The following CABLES1 variants were observed in gnomAD, a reference collection of about 807,000 sequenced individuals.
The protein encoded by CABLES1 is Cdk5 and Abl enzyme substrate 1.
In CABLES1, 36 loss-of-function variants were observed where a neutral mutation model predicts 57.8. The ratio of observed to expected loss-of-function variants is 0.62; its 90% confidence interval spans 0.48 to 0.82. The LOEUF is 0.82. Among genes scored for constraint, CABLES1 ranks in the 40% least tolerant of loss-of-function variants. The pLI, the probability that CABLES1 is intolerant of heterozygous loss-of-function variation, is 0.00. For missense variants in CABLES1, 767 were observed against 836.6 expected (o/e 0.92, Z 1.03); for synonymous variants, 374 against 363.0 (o/e 1.03, Z -0.35).
intron 1 of CABLES1, among the ~76,000 whole-genome samples, chr18:23,148,426 A>C (rs2046907229): frequency 1.3e-5 from 2 of 152,298 alleles, no homozygotes; most frequent in South Asian, 4.1e-4. Flanking sequence ...TCCCCTCTGC[A>C]CATGGCTTCT....
intron 3 of CABLES1, among the ~76,000 whole-genome samples, chr18:23,210,842 C>T (rs1357479590): frequency 6.6e-6 from 1 of 152,038 alleles, no homozygotes; most frequent in South Asian, 2.1e-4. Context: ...CTGGCCCCTG[C>T]AGAAACTGAG....
intron 7 of CABLES1, among the ~76,000 whole-genome samples, chr18:23,248,512 C>CTTTTT (rs59555750): frequency 0.013 from 1,208 of 90,686 alleles, 28 homozygotes; most frequent in African/African-American, 0.035. Flanking sequence ...GACCCTATGT[C>CTTTTT]TTTTTTTTTT....
intron 4 of CABLES1, among the ~76,000 whole-genome samples, chr18:23,221,530 C>T (rs2047487233): frequency 6.6e-6 from 1 of 152,116 alleles, no homozygotes; most frequent in Non-Finnish European, 1.5e-5. Context: ...CCAGGACAGA[C>T]AGAAACCAGC....
intron 1 of CABLES1, among the ~76,000 whole-genome samples, chr18:23,141,049 A>C (rs1264924535): frequency 6.6e-6 from 1 of 152,224 alleles, no homozygotes; most frequent in African/African-American, 2.4e-5. Context: ...AGAGTCACTT[A>C]ATCTCTTAAA....
intron 4 of CABLES1, among the ~76,000 whole-genome samples, chr18:23,224,599 C>T (rs1425275560): frequency 4.1e-4 from 49 of 120,550 alleles, no homozygotes; most frequent in Admixed American, 4.5e-4. Context: ...GACAGAGTCT[C>T]TCTCAGTTGC....
chr18:23,136,447 A>T lies in CABLES1; in HGVS notation c.685A>T (p.Thr229Ser), dbSNP rs781779292. 2 of 1,602,802 alleles carry T rather than the reference A, an allele frequency of 1.2e-6. No homozygotes were observed. Among genetic ancestry groups the T allele is most frequent in the South Asian group, 2.2e-5 (2 of 90,020 alleles). ...GGCGGCCGCCTTTTTGGGCTCCGGG[A>T]CCCCCGGGAGTGGGAGCGGCAGTCG... ...VPAAAFLGSG[T>S]PGSGSGSRGR... The change falls in exon 1 of 10, where the codon ACC becomes TCC. Residue 229 changes from threonine to serine, a missense_variant. Thr to Ser is a moderately conservative substitution (Grantham distance 58). Coordinates refer to ENST00000256925, the MANE Select transcript of CABLES1 (RefSeq NM_001100619.3).
At chr18:23,224,318 G>A (rs1037515848) in intron 4 of CABLES1, among the ~76,000 whole-genome samples, 6 of 151,826 alleles carry the variant, frequency 4.0e-5, no homozygotes, top group Non-Finnish European at 5.9e-5. Flanking sequence ...CCTTGCTGTC[G>A]TGTACCCATG....
At chr18:23,166,067 AT>A (rs1239983626) in intron 1 of CABLES1, among the ~76,000 whole-genome samples, 1 of 152,174 alleles carries the variant, frequency 6.6e-6, no homozygotes, top group Non-Finnish European at 1.5e-5. Flanking sequence ...TAGTCATCTT[AT>A]TAATCTTTTA....
intron 4 of CABLES1, among the ~76,000 whole-genome samples, chr18:23,233,096 C>T (rs1216236527): frequency 6.6e-6 from 1 of 152,160 alleles, no homozygotes; most frequent in East Asian, 1.9e-4. Flanking sequence ...CTTTGACTAA[C>T]AGGCACTGGA....
intron 1 of CABLES1, among the ~76,000 whole-genome samples, chr18:23,160,846 C>T (rs1028756788): frequency 2.0e-5 from 3 of 151,848 alleles, no homozygotes; most frequent in Non-Finnish European, 2.9e-5. Flanking sequence ...CCACCCTGGA[C>T]GACATAGTGA....
At chr18:23,223,385 C>T (rs969102924) in intron 4 of CABLES1, among the ~76,000 whole-genome samples, 4 of 151,946 alleles carry the variant, frequency 2.6e-5, no homozygotes, top group African/African-American at 7.3e-5. Flanking sequence ...TGAGACCAGC[C>T]TGGCCGACAT....
At chr18:23,144,508 G>A (rs961802010) in intron 1 of CABLES1, among the ~76,000 whole-genome samples, 5 of 152,216 alleles carry the variant, frequency 3.3e-5, no homozygotes, top group African/African-American at 1.2e-4. Context: ...ACCCTCAGGA[G>A]GGAGGTGACT....
chr18:23,236,499 T>G (rs767325119), intron 6 of CABLES1, among the ~76,000 whole-genome samples: 10 of 152,206 alleles, frequency 6.6e-5, no homozygotes, highest in Non-Finnish European at 1.5e-4. Flanking sequence ...GAAGGAAGAC[T>G]TGCATGCTTC....
At chr18:23,227,674 C>T (rs573625256) in intron 4 of CABLES1, among the ~76,000 whole-genome samples, 2 of 152,164 alleles carry the variant, frequency 1.3e-5, no homozygotes, top group South Asian at 4.1e-4. Context: ...GGAAGGGCAA[C>T]AAACGGGACT....
chr18:23,184,315 GT>G (rs2047187366), intron 1 of CABLES1, among the ~76,000 whole-genome samples: 1 of 134,374 alleles, frequency 7.4e-6, no homozygotes, highest in Admixed American at 1.0e-4. Flanking sequence ...GCACGTGTGT[GT>G]GTGTGTGTGT....
intron 1 of CABLES1, among the ~76,000 whole-genome samples, chr18:23,148,007 T>TTTTTTTG: frequency 1.4e-5 from 1 of 71,476 alleles, no homozygotes; most frequent in African/African-American, 5.7e-5. Flanking sequence ...TTTTTTTTTT[T>TTTTTTTG]GAGACGGAGT....
intron 7 of CABLES1, among the ~76,000 whole-genome samples, chr18:23,252,404 AAAAG>A (rs1372898817): frequency 2.6e-5 from 4 of 152,206 alleles, no homozygotes; most frequent in African/African-American, 7.2e-5. Flanking sequence ...TTAAAAAACT[AAAAG>A]AACATTAGCT....
At chr18:23,249,279 G>A (rs550771736) in intron 7 of CABLES1, among the ~76,000 whole-genome samples, 1 of 152,302 alleles carries the variant, frequency 6.6e-6, no homozygotes, top group East Asian at 1.9e-4. Context: ...AGCACAACAG[G>A]GCATCCCAGG....
chr18:23,258,972 C>T lies in CABLES1; in HGVS notation c.*1605C>T, dbSNP rs2048231922. 1 of 139,394 alleles carries T rather than the reference C, an allele frequency of 7.2e-6. No homozygotes were observed. The highest frequency in any genetic ancestry group is 1.5e-5 in the Non-Finnish European group (1 of 66,606). The allele number at this position is 139,394 out of a possible 1,614,324, so 8.6% of individuals were successfully genotyped here. A position where few individuals can be genotyped will look rare whatever the true frequency, so the allele number is the denominator to read the frequency against. On this transcript the variant is annotated 3_prime_UTR_variant, in exon 10 of 10. Transcript: ENST00000256925. ...GCTAACAAATTTCCTTGGCCAGAATCAGTTGTAAGACAGTGATTTGGGTGG... is the reference window on the plus strand; with the variant it reads ...GCTAACAAATTTCCTTGGCCAGAATTAGTTGTAAGACAGTGATTTGGGTGG...
Sources: gnomAD v4.1 joint callset for allele counts (sites outside exome capture counted in the v4.1 genomes callset) on GRCh38, gnomAD v4.1.1 for gene constraint, MANE v1.5 for transcripts, NCBI Gene and HGNC (gene_info 2026-07-23, HGNC 2026-07-21) for gene names.